IQCE: variants seen among roughly 807,000 people sequenced by gnomAD.
IQCE encodes the protein IQ motif containing E, also known as IQ domain-containing protein E.
In IQCE, 115 loss-of-function variants were observed where a neutral mutation model predicts 96.0. That is an observed-to-expected ratio of 1.20 (90% confidence interval 1.03 to 1.40). The LOEUF is 1.40. Ranked by LOEUF, IQCE falls within the 40% of genes most tolerant of loss-of-function variation. The pLI is 0.00. For synonymous variants in IQCE, 412 were observed against 371.2 expected (o/e 1.11, Z -1.26); for missense variants, 1,041 against 909.1 (o/e 1.15, Z -1.87).
At chr7:2,596,631 C>T (rs544923752) in intron 16 of IQCE, among the ~76,000 whole-genome samples, 3 of 152,232 alleles carry the variant, frequency 2.0e-5, no homozygotes, top group East Asian at 3.9e-4. Flanking sequence ...TAAGAGTTGC[C>T]TCAAGGAATT....
intron 12 of IQCE, among the ~76,000 whole-genome samples, chr7:2,587,163 C>G (rs935890679): frequency 5.3e-5 from 8 of 152,002 alleles, no homozygotes; most frequent in African/African-American, 1.9e-4. Flanking sequence ...GCTTTTTGTC[C>G]CAGCAGCTGA....
At chr7:2,603,989 CTTTTT>C (rs11427354) in intron 18 of IQCE, among the ~76,000 whole-genome samples, 3 of 125,910 alleles carry the variant, frequency 2.4e-5, no homozygotes, top group Non-Finnish European at 5.1e-5. Context: ...GCTTCCCTGT[CTTTTT>C]TTTTTTTTTT....
intron 11 of IQCE, among the ~76,000 whole-genome samples, chr7:2,584,824 C>T (rs566480842): frequency 6.6e-6 from 1 of 152,276 alleles, no homozygotes; most frequent in South Asian, 2.1e-4. Context: ...TTTCTTTACC[C>T]CTAATCCTTA....
At chr7:2,575,807 A>G (rs1054216741) in intron 6 of IQCE, among the ~76,000 whole-genome samples, 3 of 152,216 alleles carry the variant, frequency 2.0e-5, no homozygotes, top group Non-Finnish European at 4.4e-5. Context: ...TGAGGCAGAA[A>G]GAAAACTGAA....
intron 7 of IQCE, 39 bp from the exon 8 acceptor site, chr7:2,578,437 A>AG (rs397752609): frequency 1.8e-5 from 28 of 1,521,146 alleles, no homozygotes; most frequent in Middle Eastern, 3.4e-4. Flanking sequence ...TGGGGGCTAC[A>AG]CCGAAGGCCG....
Position 2,601,619 on chromosome 7 carries a change from G to A in IQCE, c.1632+155G>A, listed in dbSNP as rs529426574. The A allele has an allele frequency of 3.5e-5, 23 of 665,390 alleles. 1 individual carries two copies. Among genetic ancestry groups the A allele is most frequent in the South Asian group, 3.3e-4 (21 of 62,854 alleles). 41.2% of individuals were successfully genotyped at this position (665,390 alleles called of 1,614,324 possible). On this transcript the variant is annotated intron_variant, in intron 18 of 21. Transcript: ENST00000402050. ...GCCTGGAGTGCAGTGGTGCAATCTT[G>A]GCTCACTGCAACCTCCGCCTCCTGG... is the stretch of plus-strand genomic sequence containing the variant.
At chr7:2,562,191 T>G (rs1781012878) in intron 1 of IQCE, among the ~76,000 whole-genome samples, 2 of 152,076 alleles carry the variant, frequency 1.3e-5, no homozygotes, top group African/African-American at 4.8e-5. Flanking sequence ...GAATATTGAC[T>G]GATTTTTGTA....
chr7:2,571,753 G>C (rs1490707550), intron 4 of IQCE, 99 bp downstream of exon 4: 5 of 1,229,884 alleles, frequency 4.1e-6, no homozygotes, highest in Non-Finnish European at 5.7e-6. Flanking sequence ...TTCCTTGTTT[G>C]AATTACATTG....
Position 2,610,317 on chromosome 7 carries a change from A to G in IQCE, c.*155A>G. 1.6e-6 allele frequency: 1 copy of G among 608,986 alleles called. No homozygotes were observed. Among genetic ancestry groups the G allele is most frequent in the Non-Finnish European group, 3.0e-6 (1 of 336,480 alleles). 37.7% of individuals were successfully genotyped at this position (608,986 alleles called of 1,614,324 possible). On this transcript the variant is annotated 3_prime_UTR_variant, in exon 22 of 22. Coordinates refer to ENST00000402050, the MANE Select transcript of IQCE (RefSeq NM_152558.5). ...GTCTCTTTGTGCTTTTGTTTGTGGA[A>G]GGAGACCCAAATGCCTTTACTTTAT...
chr7:2,565,718 T>A (rs952573442), intron 1 of IQCE, among the ~76,000 whole-genome samples: 2 of 152,222 alleles, frequency 1.3e-5, no homozygotes, highest in African/African-American at 2.4e-5. Context: ...CAATACACTT[T>A]GCTAAAAGGA....
At chr7:2,592,563 A>G (rs1783686788) in intron 14 of IQCE, among the ~76,000 whole-genome samples, 1 of 152,212 alleles carries the variant, frequency 6.6e-6, no homozygotes, top group African/African-American at 2.4e-5. Context: ...GTCGAAGGCC[A>G]GTGTGTGGCC....
intron 15 of IQCE, 43 bp downstream of exon 15, chr7:2,593,169 C>T (rs372353390): frequency 3.2e-5 from 50 of 1,569,620 alleles, no homozygotes; most frequent in Middle Eastern, 2.0e-4. Flanking sequence ...CAGGCGAGTC[C>T]GCACTCCTGC....
chr7:2,591,822 T>C (rs1783610289), intron 14 of IQCE, among the ~76,000 whole-genome samples: 1 of 152,250 alleles, frequency 6.6e-6, no homozygotes, highest in South Asian at 2.1e-4. Flanking sequence ...GGTTTCACCA[T>C]GTTGGCCAGG....
At chr7:2,582,523 C>A in intron 8 of IQCE, 57 bp from the exon 9 acceptor site, 2 of 1,474,102 alleles carry the variant, frequency 1.4e-6, no homozygotes, top group South Asian at 1.2e-5. Context: ...AGGGGACAGC[C>A]GCTTCTACTG....
intron 21 of IQCE, among the ~76,000 whole-genome samples, chr7:2,608,166 G>A (rs4719602): frequency 0.12 from 18,909 of 152,268 alleles, 1,243 homozygotes; most frequent in Admixed American, 0.16. Context: ...CCTTCAGGAC[G>A]GGCCCAGGGA....
chr7:2,573,081 G>C (rs560290293), intron 5 of IQCE, among the ~76,000 whole-genome samples: 8 of 152,284 alleles, frequency 5.3e-5, no homozygotes, highest in African/African-American at 1.9e-4. Flanking sequence ...CATTTTTTGT[G>C]TTTGGTATTT....
chr7:2,571,034 T>TCTTTC (rs1457329649), intron 3 of IQCE, among the ~76,000 whole-genome samples: 3 of 152,218 alleles, frequency 2.0e-5, no homozygotes, highest in Admixed American at 6.5e-5. Context: ...TCTTTTCTTT[T>TCTTTC]CTTTTCTTAA....
At chr7:2,576,770 A>G (rs1782156253) in intron 6 of IQCE, among the ~76,000 whole-genome samples, 1 of 152,182 alleles carries the variant, frequency 6.6e-6, no homozygotes, top group African/African-American at 2.4e-5. Flanking sequence ...ACAGATAAAG[A>G]TTGGGAAGCA....
Position 2,589,972 on chromosome 7 carries a change from C to G in IQCE, c.1110C>G (p.Ala370=). The change falls in exon 14 of 22, where the codon GCC becomes GCG. Residue 370 remains alanine, a synonymous_variant. Coordinates refer to ENST00000402050, the MANE Select transcript of IQCE (RefSeq NM_152558.5). ...AGCCAGTCAGATCACACCCGCCAGC[C>G]TGCCTTGCATCCAGCTCTGCGCTGC... is the stretch of plus-strand genomic sequence containing the variant. The part of the protein sequence containing the change: ...AAEPVRSHPP[A]CLASSSALHR... 1 of 1,614,008 alleles carries G rather than the reference C, an allele frequency of 6.2e-7. No individual in the cohort carries two copies. Among genetic ancestry groups the G allele is most frequent in the Non-Finnish European group, 8.5e-7 (1 of 1,180,028 alleles).
Sources: allele counts gnomAD v4.1 joint callset (sites outside exome capture counted in the v4.1 genomes callset), GRCh38; gene constraint gnomAD v4.1.1; transcripts MANE v1.5; gene names NCBI Gene and HGNC (gene_info 2026-07-23, HGNC 2026-07-21).